Variants in AFAP1 observed in about 807,000 individuals in gnomAD.
The protein encoded by AFAP1 is actin filament-associated protein 1.
A neutral mutation model predicts 93.9 loss-of-function variants in AFAP1; 75 were observed. The observed-to-expected ratio is 0.80, with a 90% confidence interval of 0.66 to 0.97. The LOEUF (loss-of-function observed/expected upper bound fraction) is 0.97. AFAP1 is among the 50% of genes least tolerant of loss of function. The pLI is 0.00. For missense variants in AFAP1, 1,201 were observed against 1,050.8 expected (o/e 1.14, Z -1.98); for synonymous variants, 517 against 430.7 (o/e 1.20, Z -2.48).
At position 7,824,177 on chromosome 4, in the gene AFAP1, G is replaced by A. The variant is rs188871433; in HGVS notation, c.727-5006C>T. Among the ~76,000 whole-genome samples, 4 of 152,288 alleles carry A rather than the reference G, an allele frequency of 2.6e-5. No individual in the cohort carries two copies. The East Asian group carries it at 7.7e-4, about 29-fold the overall frequency. On this transcript the variant is annotated intron_variant, in intron 6 of 17. Transcript: ENST00000420658. Reference sequence around the variant, plus strand: ...CTATTAATACATTTCTACTTGAAGAGCCATGTCCTATGAGGTTCAATGTGT... The same window carrying A: ...CTATTAATACATTTCTACTTGAAGAACCATGTCCTATGAGGTTCAATGTGT...
chr4:7,774,430 T>C, intron 15 of AFAP1: 1 of 344,478 alleles, frequency 2.9e-6, no homozygotes, highest in South Asian at 4.7e-5. Flanking sequence ...ACAGGGGCCA[T>C]CCTCCAGACA....
rs144234484 is a variant in AFAP1 at position 7,913,699 on chromosome 4, CCT to C, written c.-3+25955_-3+25956del. On this transcript the variant is annotated intron_variant, in intron 1 of 17. Transcript: ENST00000420658. ...CATAAAAAAGTCATCACTGCAAACC[CCT>C]GTGACTGTATCTAAAGCAAGCCTAA... Among the ~76,000 whole-genome samples, 353 of 152,246 alleles carry C rather than the reference CCT, an allele frequency of 2.3e-3. 2 individuals carry two copies. The highest frequency in any genetic ancestry group is 8.1e-3 in the African/African-American group (335 of 41,534).
chr4:7,829,055 T>A (rs144146363), intron 6 of AFAP1, among the ~76,000 whole-genome samples: 33 of 152,338 alleles, frequency 2.2e-4, no homozygotes, highest in African/African-American at 7.2e-4. Flanking sequence ...TTCCCCTCTT[T>A]TGCTCCGCAC....
intron 3 of AFAP1, among the ~76,000 whole-genome samples, chr4:7,861,675 A>G (rs947839975): frequency 2.0e-5 from 3 of 152,226 alleles, no homozygotes; most frequent in African/African-American, 7.2e-5. Flanking sequence ...GAGGCAGCCC[A>G]CCAGGGGCGG....
intron 1 of AFAP1, among the ~76,000 whole-genome samples, chr4:7,883,223 A>G (rs1344617593): frequency 6.6e-6 from 1 of 151,682 alleles, no homozygotes; most frequent in Admixed American, 6.6e-5. Context: ...GGAGGAGGAA[A>G]GACAGAAAGA....
At chr4:7,925,393 A>T (rs1237709971) in intron 1 of AFAP1, among the ~76,000 whole-genome samples, 3 of 152,234 alleles carry the variant, frequency 2.0e-5, no homozygotes, top group Non-Finnish European at 4.4e-5. Context: ...GAGTTCATCC[A>T]GTACTTCATC....
At chr4:7,796,749 C>T in intron 10 of AFAP1, among the ~76,000 whole-genome samples, 1 of 96,676 alleles carries the variant, frequency 1.0e-5, no homozygotes, top group East Asian at 3.3e-4. Flanking sequence ...AGACTTGTCT[C>T]AAAAAAAAAA....
chr4:7,770,131 CAG>C (rs1389544787), intron 16 of AFAP1, among the ~76,000 whole-genome samples: 1 of 152,210 alleles, frequency 6.6e-6, no homozygotes, highest in Non-Finnish European at 1.5e-5. Context: ...TCCCTCAAAA[CAG>C]AGGGGAAGTC....
intron 9 of AFAP1, among the ~76,000 whole-genome samples, chr4:7,805,212 T>C (rs1719395674): frequency 6.6e-6 from 1 of 152,182 alleles, no homozygotes; most frequent in Non-Finnish European, 1.5e-5. Flanking sequence ...CGTCTACTTT[T>C]CGTGGAGGTG....
chr4:7,848,129 G>GGA (rs1560197086), intron 4 of AFAP1, among the ~76,000 whole-genome samples: 5 of 63,554 alleles, frequency 7.9e-5, no homozygotes, highest in African/African-American at 4.5e-4. Flanking sequence ...GGAAGGAAGG[G>GGA]AGTGAGTGAG....
chr4:7,887,371 C>T (rs1718196504), intron 1 of AFAP1, among the ~76,000 whole-genome samples: 1 of 152,134 alleles, frequency 6.6e-6, no homozygotes, highest in Non-Finnish European at 1.5e-5. Context: ...AAGCAGTACG[C>T]AAATAAATAT....
chr4:7,828,278 T>C (rs1227701751), intron 6 of AFAP1, among the ~76,000 whole-genome samples: 1 of 152,162 alleles, frequency 6.6e-6, no homozygotes, highest in Non-Finnish European at 1.5e-5. Context: ...CTATGTGAAC[T>C]TGGGATCCAC....
intron 6 of AFAP1, among the ~76,000 whole-genome samples, chr4:7,833,910 A>G (rs1377930301): frequency 1.3e-5 from 2 of 152,104 alleles, no homozygotes; most frequent in Non-Finnish European, 2.9e-5. Context: ...AAAATAATTA[A>G]AAGTAGAAGC....
rs1259472038 is a variant in AFAP1, at chr4:7,905,106, T to C, written c.-2-33026A>G. ...GTTGCAACACCATATCCCTCCTCCA[T>C]ACCGTAATGTGTCTACACCCACCAA... On this transcript the variant is annotated intron_variant, in intron 1 of 17. Transcript: ENST00000420658. Among the ~76,000 whole-genome samples the C allele has an allele frequency of 2.6e-5, 4 of 152,236 alleles. No individual in the cohort carries two copies. The South Asian group carries it at 6.2e-4, about 24-fold the overall frequency.
chr4:7,924,891 CCT>C (rs3062094), intron 1 of AFAP1, among the ~76,000 whole-genome samples: 62,487 of 151,670 alleles, frequency 0.41, 13,287 homozygotes, highest in African/African-American at 0.52. Context: ...AATTTTGGCC[CCT>C]GTTTCCCAGT....
At chr4:7,857,279 C>T (rs1215463001) in intron 3 of AFAP1, among the ~76,000 whole-genome samples, 1 of 152,070 alleles carries the variant, frequency 6.6e-6, no homozygotes, top group Non-Finnish European at 1.5e-5. Flanking sequence ...ACGACTCCAT[C>T]GCTTTCTATG....
At chr4:7,840,521 C>T (rs1179631924) in intron 5 of AFAP1, among the ~76,000 whole-genome samples, 2 of 152,094 alleles carry the variant, frequency 1.3e-5, no homozygotes, top group African/African-American at 4.8e-5. Flanking sequence ...ACCAGATTGG[C>T]CAGGCTGGTC....
intron 9 of AFAP1, among the ~76,000 whole-genome samples, chr4:7,805,654 G>A (rs539461188): frequency 1.3e-5 from 2 of 152,314 alleles, no homozygotes; most frequent in South Asian, 4.1e-4. Flanking sequence ...ATCCAGAGGT[G>A]AAGCAATTTG....
chr4:7,845,824 C>T (rs576199512), intron 4 of AFAP1, among the ~76,000 whole-genome samples: 2 of 152,234 alleles, frequency 1.3e-5, no homozygotes, highest in South Asian at 2.1e-4. Flanking sequence ...AACTGGATAC[C>T]GGGGCCCAGA....
Sources: gnomAD v4.1 joint callset for allele counts (sites outside exome capture counted in the v4.1 genomes callset) on GRCh38, gnomAD v4.1.1 for gene constraint, MANE v1.5 for transcripts, NCBI Gene and HGNC (gene_info 2026-07-23, HGNC 2026-07-21) for gene names.